Variants in MED15 observed in about 807,000 individuals in gnomAD.
The protein encoded by MED15 is mediator of RNA polymerase II transcription subunit 15.
MED15 carries 41 observed loss-of-function variants against 118.7 expected under a neutral mutation model. The observed-to-expected ratio is 0.35, with a 90% CI of 0.27 to 0.45. The LOEUF (loss-of-function observed/expected upper bound fraction) is 0.45, where lower values mean the gene tolerates loss of function less well. Ranked by LOEUF, MED15 falls within the 20% of genes least tolerant of loss-of-function variation. The pLI is 1.00. For synonymous variants in MED15, 436 were observed against 413.9 expected (o/e 1.05, Z -0.65); for missense variants, 740 against 1,025.5 (o/e 0.72, Z 3.80).
rs1396528161 is a variant in MED15, at chr22:20,568,647, T to A, written c.1152+16T>A. On this transcript the variant is annotated intron_variant, in intron 8 of 17. Coordinates refer to ENST00000263205, the MANE Select transcript of MED15 (RefSeq NM_001003891.3). ...CGGAGTCCAGGTGAGGGCCTGGGGG[T>A]GGAGGGCTCCATAGTCATCAGCAGG... The A allele has an allele frequency of 1.1e-5, 17 of 1,610,036 alleles. No homozygotes were observed. The highest frequency in any genetic ancestry group is 1.4e-5 in the Non-Finnish European group (17 of 1,178,718).
intron 1 of MED15, among the ~76,000 whole-genome samples, chr22:20,516,394 A>G (rs1486796344): frequency 2.0e-5 from 3 of 152,146 alleles, no homozygotes; most frequent in African/African-American, 7.2e-5. Flanking sequence ...AAGACAGACA[A>G]ACCCCTTTTA....
In MED15 at chr22:20,564,529, A is replaced by AGAGCAG; in HGVS notation, c.531_532insGAGCAG (p.Leu177_Gln178insGluGln). ...TCCAGCAGCAGCAGCAGGCGGCGCT[A>AGAGCAG]CAGCAGCAGCAGCAGCAGCAGCAAC... On this transcript the variant is annotated inframe_insertion, in exon 6 of 18. Transcript: ENST00000263205. The AGAGCAG allele has an allele frequency of 6.3e-7, 1 of 1,592,890 alleles. No homozygotes were observed. The highest frequency in any genetic ancestry group is 8.6e-7 in the Non-Finnish European group (1 of 1,162,996).
In MED15 at chr22:20,586,950, T is replaced by A. The variant is rs1352051245; in HGVS notation, c.*246T>A. The A allele has an allele frequency of 5.2e-6, 3 of 575,832 alleles. No individual in the cohort carries two copies. Among genetic ancestry groups the A allele is most frequent in the Non-Finnish European group, 6.1e-6 (2 of 328,098 alleles). 35.7% of individuals were successfully genotyped at this position (575,832 alleles called of 1,614,324 possible). ...AGAGAAGGCCCTCCATGTGACTTCC[T>A]CCCAGGAGCCAGATGCGATCCTCAG... is the stretch of plus-strand genomic sequence containing the variant. On this transcript the variant is annotated 3_prime_UTR_variant, in exon 18 of 18. Coordinates refer to ENST00000263205, the MANE Select transcript of MED15 (RefSeq NM_001003891.3).
At chr22:20,527,610 A>G (rs2054696102) in intron 1 of MED15, among the ~76,000 whole-genome samples, 1 of 151,774 alleles carries the variant, frequency 6.6e-6, no homozygotes, top group Admixed American at 6.6e-5. Flanking sequence ...CCTGGCAAAT[A>G]TTTTTGTTTT....
chr22:20,536,781 T>C (rs1222889500), intron 1 of MED15, among the ~76,000 whole-genome samples: 1 of 152,184 alleles, frequency 6.6e-6, no homozygotes, highest in African/African-American at 2.4e-5. Context: ...GGCCACCCAG[T>C]AGTCTAATGC....
At chr22:20,510,674 C>G (rs2054032928) in intron 1 of MED15, among the ~76,000 whole-genome samples, 1 of 152,174 alleles carries the variant, frequency 6.6e-6, no homozygotes, top group Admixed American at 6.5e-5. Flanking sequence ...CGAATTCCTT[C>G]TCATGCTTTT....
rs556632881 is a variant in MED15 at position 20,549,003 on chromosome 22, G to A, written c.157-2433G>A. On this transcript the variant is annotated intron_variant, in intron 2 of 17. Transcript: ENST00000263205. ...TTTTGTAGAGATGGTGTCTTACTATGTTGCCCAGGCTGGTCTTAAACTCCT... is the reference window on the plus strand; with the variant it reads ...TTTTGTAGAGATGGTGTCTTACTATATTGCCCAGGCTGGTCTTAAACTCCT... 3.3e-5 allele frequency among the ~76,000 whole-genome samples: 5 copies of A among 152,270 alleles called. No homozygotes were observed. The East Asian group carries it at 9.6e-4, about 29-fold the overall frequency.
intron 7 of MED15, 98 bp downstream of exon 7, chr22:20,566,915 CA>C: frequency 6.5e-7 from 1 of 1,545,530 alleles, no homozygotes; most frequent in Non-Finnish European, 8.7e-7. Context: ...TCCTATTCTT[CA>C]AGTGCTGAGA....
At chr22:20,583,666 G>T in intron 13 of MED15, 1 of 467,404 alleles carries the variant, frequency 2.1e-6, no homozygotes, top group East Asian at 3.8e-5. Context: ...GCAGCCAGGG[G>T]CCCAGCTTGC....
chr22:20,586,547 A>C (rs2146693037), intron 17 of MED15, 21 bp from the exon 18 acceptor site: 1 of 1,608,950 alleles, frequency 6.2e-7, no homozygotes, highest in East Asian at 2.2e-5. Flanking sequence ...CCTTAGGTTC[A>C]CGCCCACTGC....
At chr22:20,528,430 G>A (rs1393383006) in intron 1 of MED15, among the ~76,000 whole-genome samples, 3 of 152,024 alleles carry the variant, frequency 2.0e-5, no homozygotes, top group Admixed American at 6.6e-5. Flanking sequence ...AGGAGCATGC[G>A]ACCTGGATCC....
chr22:20,533,816 G>C (rs1294610934), intron 1 of MED15, among the ~76,000 whole-genome samples: 1 of 152,134 alleles, frequency 6.6e-6, no homozygotes, highest in Non-Finnish European at 1.5e-5. Context: ...ACATCCCCTG[G>C]TGTATGGTGC....
chr22:20,580,519 G>A (rs929895661), intron 9 of MED15, among the ~76,000 whole-genome samples: 2 of 152,170 alleles, frequency 1.3e-5, no homozygotes, highest in Admixed American at 6.5e-5. Flanking sequence ...AGCAGGAAGA[G>A]AGGTGAGCTT....
rs1476788638 is a variant in MED15, at chr22:20,555,076, G to A, written c.379G>A (p.Gly127Arg). 6.2e-7 allele frequency: 1 copy of A among 1,612,464 alleles called. No homozygotes were observed. Among genetic ancestry groups the A allele is most frequent in the African/African-American group, 1.3e-5 (1 of 74,926 alleles). The change falls in exon 5 of 18, where the codon GGG becomes AGG. Residue 127 changes from glycine to arginine, a missense_variant. Physicochemically the swap from Gly to Arg is moderately radical, Grantham distance 125. Coordinates refer to ENST00000263205, the MANE Select transcript of MED15 (RefSeq NM_001003891.3). The stretch of plus-strand genomic sequence containing the variant: ...CATGGGACAGCCAATGTCTCTCTCA[G>A]GGCAGCCGCCTCCTGGGACCTCGGG... ...GAMGQPMSLS[G>R]QPPPGTSGMA...
At chr22:20,519,470 C>G (rs981537429) in intron 1 of MED15, among the ~76,000 whole-genome samples, 1 of 146,944 alleles carries the variant, frequency 6.8e-6, no homozygotes, top group Non-Finnish European at 1.5e-5. Flanking sequence ...CAGTCTTGCT[C>G]TGTTGCCCAG....
At position 20,507,647 on chromosome 22, in the gene MED15, G is replaced by A. The variant is rs140821305; in HGVS notation, c.-32G>A. On this transcript the variant is annotated 5_prime_UTR_variant, in exon 1 of 18. Transcript: ENST00000263205. ...GAGGCGGCGGCGGTGGCGGCCAAGCGGGATACGGGCGGCGGGAGCTGGGGA... is the reference window on the plus strand; with the variant it reads ...GAGGCGGCGGCGGTGGCGGCCAAGCAGGATACGGGCGGCGGGAGCTGGGGA... 2.3e-4 allele frequency: 372 copies of A among 1,613,582 alleles called. No homozygotes were observed. The African/African-American group carries it at 3.9e-3, about 17-fold the overall frequency.
intron 1 of MED15, among the ~76,000 whole-genome samples, chr22:20,528,554 A>G (rs1343916353): frequency 6.6e-6 from 1 of 152,140 alleles, no homozygotes; most frequent in African/African-American, 2.4e-5. Flanking sequence ...CTGCTCACCT[A>G]CTGCTGTGAG....
intron 6 of MED15, among the ~76,000 whole-genome samples, chr22:20,565,952 G>C (rs2056421403): frequency 6.6e-6 from 1 of 152,024 alleles, no homozygotes; most frequent in Non-Finnish European, 1.5e-5. Flanking sequence ...TGTTGGCCTC[G>C]GGGGGCCCAG....
In MED15 at chr22:20,566,615, C is replaced by T. The variant is rs1899316871; in HGVS notation, c.839C>T (p.Pro280Leu). Reference protein sequence around the residue: ...IQQPPMQQPQPPPSQALPQQL... With the variant: ...IQQPPMQQPQLPPSQALPQQL... Reference sequence around the variant, plus strand: ...CAGCCACCGATGCAGCAGCCACAGCCTCCGCCCTCCCAGGCTCTGCCCCAG... The same window carrying T: ...CAGCCACCGATGCAGCAGCCACAGCTTCCGCCCTCCCAGGCTCTGCCCCAG... Residue 280 changes from proline (P) to leucine (L), a missense_variant, in exon 7 of 18, where the codon CCT becomes CTT. Transcript: ENST00000263205. 1.2e-6 allele frequency: 2 copies of T among 1,614,050 alleles called. No homozygotes were observed. The highest frequency in any genetic ancestry group is 1.3e-5 in the African/African-American group (1 of 75,038).
Sources: allele counts gnomAD v4.1 joint callset (sites outside exome capture counted in the v4.1 genomes callset), GRCh38; gene constraint gnomAD v4.1.1; transcripts MANE v1.5; gene names NCBI Gene and HGNC (gene_info 2026-07-23, HGNC 2026-07-21).